Variants in TRPC4 observed in about 807,000 individuals in gnomAD.
The protein encoded by TRPC4 is short transient receptor potential channel 4.
Under a neutral mutation model 99.4 loss-of-function variants are expected in TRPC4, and 49 were observed. The ratio of observed to expected loss-of-function variants is 0.49; its 90% confidence interval spans 0.39 to 0.63. The LOEUF (loss-of-function observed/expected upper bound fraction) is 0.63, where lower values mean the gene tolerates loss of function less well. Among genes scored for constraint, TRPC4 ranks in the 20% least tolerant of loss-of-function variants. TRPC4 has a pLI of 0.00. For synonymous variants in TRPC4, 454 were observed against 425.9 expected (o/e 1.07, Z -0.81); for missense variants, 898 against 1,152.9 (o/e 0.78, Z 3.20).
intron 2 of TRPC4, 101 bp from the exon 3 acceptor site, chr13:37,746,556 T>G: frequency 2.3e-6 from 3 of 1,282,266 alleles, no homozygotes; most frequent in Non-Finnish European, 3.1e-6. Flanking sequence ...GGTTTATATG[T>G]CCTTGGCCGG....
chr13:37,787,454 A>G (rs549600582), intron 1 of TRPC4, among the ~76,000 whole-genome samples: 108 of 152,220 alleles, frequency 7.1e-4, no homozygotes, highest in African/African-American at 2.5e-3. Context: ...AATCTTTCAC[A>G]TAACATATAC....
intron 3 of TRPC4, among the ~76,000 whole-genome samples, chr13:37,745,349 A>G (rs1298063934): frequency 1.3e-5 from 2 of 149,804 alleles, no homozygotes; most frequent in Non-Finnish European, 1.5e-5. Flanking sequence ...CATCCTATGA[A>G]TGCTGCATTT....
intron 2 of TRPC4, among the ~76,000 whole-genome samples, chr13:37,762,686 G>T (rs896297276): frequency 7.6e-6 from 1 of 131,676 alleles, no homozygotes; most frequent in African/African-American, 2.9e-5. Context: ...ATGGACACAG[G>T]AAGGGGAACA....
rs4499116 is a variant in TRPC4 at position 37,633,021 on chromosome 13, A to T, written c.*3882T>A. ...TTAAGCCCCAACTTGACCACCAAACACATGGGTAAATTTAGATAATTTCCA... is the reference window on the plus strand; with the variant it reads ...TTAAGCCCCAACTTGACCACCAAACTCATGGGTAAATTTAGATAATTTCCA... On this transcript the variant is annotated 3_prime_UTR_variant, in exon 11 of 11. Transcript: ENST00000379705. 4.2e-3 allele frequency among the ~76,000 whole-genome samples: 643 copies of T among 152,306 alleles called. 18 individuals carry two copies. Among genetic ancestry groups the T allele is most frequent in the Admixed American group, 0.037 (558 of 15,282 alleles).
intron 1 of TRPC4, among the ~76,000 whole-genome samples, chr13:37,867,288 A>G (rs556842071): frequency 1.3e-5 from 2 of 152,094 alleles, no homozygotes; most frequent in South Asian, 4.1e-4. Flanking sequence ...ATGTGTGCAT[A>G]TTTTTATTTT....
chr13:37,817,414 A>G (rs2139510920), intron 1 of TRPC4, among the ~76,000 whole-genome samples: 1 of 152,194 alleles, frequency 6.6e-6, no homozygotes, highest in Middle Eastern at 3.4e-3. Flanking sequence ...GTTCATGGAT[A>G]GGAAGAATCA....
chr13:37,714,416 T>C (rs1229978199), intron 3 of TRPC4, among the ~76,000 whole-genome samples: 1 of 152,174 alleles, frequency 6.6e-6, no homozygotes, highest in Non-Finnish European at 1.5e-5. Flanking sequence ...CGTAAGCCAC[T>C]GTGCTGGGCC....
intron 3 of TRPC4, among the ~76,000 whole-genome samples, chr13:37,740,599 C>A (rs566324702): frequency 3.3e-4 from 50 of 152,228 alleles, no homozygotes; most frequent in African/African-American, 1.1e-3. Context: ...AACTCTCACC[C>A]GAGGTGTCCC....
intron 1 of TRPC4, among the ~76,000 whole-genome samples, chr13:37,845,668 T>C (rs575213226): frequency 2.0e-5 from 3 of 152,078 alleles, no homozygotes; most frequent in Non-Finnish European, 2.9e-5. Flanking sequence ...ATAGGAATTA[T>C]GGAACACCAT....
chr13:37,745,517 T>TATATAC (rs1566138631), intron 3 of TRPC4, among the ~76,000 whole-genome samples: 4 of 114,086 alleles, frequency 3.5e-5, no homozygotes, highest in South Asian at 5.7e-4. Flanking sequence ...TGTATATATA[T>TATATAC]ACGTATATAT....
chr13:37,641,673 G>A (rs1951716982), intron 8 of TRPC4, among the ~76,000 whole-genome samples: 1 of 152,090 alleles, frequency 6.6e-6, no homozygotes, highest in Admixed American at 6.6e-5. Context: ...CTACTTTCTA[G>A]GAGAAAGTGT....
chr13:37,726,643 C>A (rs1039952584), intron 3 of TRPC4, among the ~76,000 whole-genome samples: 1 of 152,054 alleles, frequency 6.6e-6, no homozygotes. Flanking sequence ...ATGAAACTCT[C>A]CAACTCAACG....
At chr13:37,691,124 C>T (rs756224066) in intron 4 of TRPC4, among the ~76,000 whole-genome samples, 1 of 151,682 alleles carries the variant, frequency 6.6e-6, no homozygotes, top group Non-Finnish European at 1.5e-5. Context: ...TTTTTTGAGA[C>T]AGAGTCTCAC....
intron 1 of TRPC4, among the ~76,000 whole-genome samples, chr13:37,801,520 T>C (rs563988453): frequency 6.6e-6 from 1 of 152,248 alleles, no homozygotes; most frequent in African/African-American, 2.4e-5. Context: ...AAAAAGGTTA[T>C]AAATCTTTTA....
intron 8 of TRPC4, 152 bp from the exon 9 acceptor site, chr13:37,639,451 A>G (rs1158152659): frequency 3.6e-5 from 25 of 704,186 alleles, no homozygotes; most frequent in Non-Finnish European, 4.4e-5. Flanking sequence ...AGTGCTGCAC[A>G]TGAATCAAAA....
intron 3 of TRPC4, among the ~76,000 whole-genome samples, chr13:37,731,062 C>A (rs1420715142): frequency 6.6e-6 from 1 of 151,732 alleles, no homozygotes; most frequent in Non-Finnish European, 1.5e-5. Flanking sequence ...AAAAAAAATT[C>A]TATATATTAT....
rs2957215 is a variant in TRPC4, at chr13:37,663,209, A to C, written c.1688+207T>G. Among the ~76,000 whole-genome samples, 55,340 of 152,078 alleles carry C rather than the reference A, an allele frequency of 0.36. 10,447 individuals are homozygous for C. The highest frequency in any genetic ancestry group is 0.41 in the African/African-American group (17,014 of 41,474). On this transcript the variant is annotated intron_variant, in intron 6 of 10. Coordinates refer to ENST00000379705, the MANE Select transcript of TRPC4 (RefSeq NM_016179.4). ...TTAGAAGAAAAGATGATTTTACTAA[A>C]ATTTAAAATAAATGTGTCAGGTATT... is the stretch of plus-strand genomic sequence containing the variant.
intron 2 of TRPC4, among the ~76,000 whole-genome samples, chr13:37,761,846 C>A (rs1034074848): frequency 1.3e-5 from 2 of 151,852 alleles, no homozygotes; most frequent in African/African-American, 4.8e-5. Context: ...AATTTCCTGG[C>A]GGGCCGATTT....
At chr13:37,776,569 G>A (rs1321435859) in intron 2 of TRPC4, among the ~76,000 whole-genome samples, 1 of 151,754 alleles carries the variant, frequency 6.6e-6, no homozygotes, top group Non-Finnish European at 1.5e-5. Context: ...CTCAAACAGG[G>A]TATAATAAAA....
Sources: gnomAD v4.1 joint callset for allele counts (sites outside exome capture counted in the v4.1 genomes callset) on GRCh38, gnomAD v4.1.1 for gene constraint, MANE v1.5 for transcripts, NCBI Gene and HGNC (gene_info 2026-07-23, HGNC 2026-07-21) for gene names.